Variants in NEMP2 observed in about 807,000 individuals in gnomAD.
NEMP2 encodes the protein UPF0571 transmembrane protein.
A neutral mutation model predicts 54.2 loss-of-function variants in NEMP2; 53 were observed. The ratio of observed to expected loss-of-function variants is 0.98; its 90% CI spans 0.78 to 1.23. The LOEUF is 1.23. Ranked by LOEUF, NEMP2 falls within the 50% of genes most tolerant of loss-of-function variation. The pLI is 0.00. For synonymous variants in NEMP2, 197 were observed against 190.3 expected (o/e 1.04, Z -0.29); for missense variants, 455 against 511.3 (o/e 0.89, Z 1.06).
At chr2:190,539,811 G>GT in the NEMP2 span, among the ~76,000 whole-genome samples, 2 of 152,050 alleles carry the variant, frequency 1.3e-5, no homozygotes, top group East Asian at 1.9e-4. This position sits in a 1 kb window ranked among gnomAD's most constrained non-coding sequence, Gnocchi z 4.1. Context: ...CTTCTAACAG[G>GT]TTTTTTTGTG....
the NEMP2 span, among the ~76,000 whole-genome samples, chr2:190,438,980 A>G: frequency 6.6e-6 from 1 of 152,126 alleles, no homozygotes; most frequent in African/African-American, 2.4e-5. This position sits in a 1 kb window ranked among gnomAD's most constrained non-coding sequence, Gnocchi z 5.2. Context: ...GTCACCACCA[A>G]AGTCAGGGAC....
Position 190,529,024 on chromosome 2 carries a change from C to T in NEMP2, c.98-3646G>A, listed in dbSNP as rs1386909547. ...ATGTTTTCCCCTACAACACACTTTT[C>T]AATTAGCAAATAGATCTTTTTAAAA... On this transcript the variant is annotated intron_variant, in intron 1 of 8. Coordinates refer to ENST00000409150, the MANE Select transcript of NEMP2 (RefSeq NM_001142645.2). This position sits in a 1 kb window ranked among gnomAD's most constrained non-coding sequence, Gnocchi z 4.7. Among the ~76,000 whole-genome samples the T allele has an allele frequency of 2.6e-5, 4 of 152,126 alleles. No individual in the cohort carries two copies. The highest frequency in any genetic ancestry group is 6.5e-5 in the Admixed American group (1 of 15,270).
the NEMP2 span, among the ~76,000 whole-genome samples, chr2:190,491,175 A>G: frequency 1.4e-4 from 21 of 152,240 alleles, no homozygotes; most frequent in Non-Finnish European, 3.1e-4. The surrounding 1 kb of genome is among the most constrained non-coding windows in gnomAD (Gnocchi z 4.2). Flanking sequence ...ATTTTAACTC[A>G]TCTTTGATTA....
the NEMP2 span, among the ~76,000 whole-genome samples, chr2:190,429,638 T>C: frequency 6.6e-6 from 1 of 152,148 alleles, no homozygotes. Flanking sequence ...TTTAATGTAG[T>C]TCAATTATTT....
chr2:190,467,378 C>T, the NEMP2 span, among the ~76,000 whole-genome samples: 1 of 111,128 alleles, frequency 9.0e-6, no homozygotes, highest in Non-Finnish European at 2.2e-5. The surrounding 1 kb of genome is among the most constrained non-coding windows in gnomAD (Gnocchi z 5.5). Flanking sequence ...TTTGGGAGGC[C>T]GAGGTGGGCG....
chr2:190,509,448 G>T lies in NEMP2; in HGVS notation c.1131-136C>A. ...CAATACAGGGTGGCATTTACACAGT[G>T]GGTGTAAAAATGGGAATGGCTTATG... On this transcript the variant is annotated intron_variant, in intron 8 of 8. Coordinates refer to ENST00000409150, the MANE Select transcript of NEMP2 (RefSeq NM_001142645.2). This position sits in a 1 kb window ranked among gnomAD's most constrained non-coding sequence, Gnocchi z 6.1. The T allele has an allele frequency of 1.0e-6, 1 of 970,672 alleles. No individual in the cohort carries two copies. The highest frequency in any genetic ancestry group is 1.5e-6 in the Non-Finnish European group (1 of 653,782). 60.1% of individuals were successfully genotyped at this position (970,672 alleles called of 1,614,324 possible).
the NEMP2 span, chr2:190,489,682 T>C: frequency 7.8e-7 from 1 of 1,285,736 alleles, no homozygotes; most frequent in Non-Finnish European, 1.1e-6. This position sits in a 1 kb window ranked among gnomAD's most constrained non-coding sequence, Gnocchi z 6.6. Context: ...CTTCCTTTGC[T>C]TTGATCTTTA....
At chr2:190,635,635 A>T in the NEMP2 span, among the ~76,000 whole-genome samples, 1 of 152,126 alleles carries the variant, frequency 6.6e-6, no homozygotes, top group African/African-American at 2.4e-5. The surrounding 1 kb of genome is among the most constrained non-coding windows in gnomAD (Gnocchi z 4.1). Flanking sequence ...TTCACAATTT[A>T]CCCATAAATT....
the NEMP2 span, chr2:190,497,990 C>A: frequency 3.3e-6 from 1 of 298,778 alleles, no homozygotes; most frequent in Non-Finnish European, 6.2e-6. The surrounding 1 kb of genome is among the most constrained non-coding windows in gnomAD (Gnocchi z 5.2). Flanking sequence ...ATAAATTAAT[C>A]CATTCTTTCA....
the NEMP2 span, chr2:190,620,288 G>C: frequency 6.6e-6 from 1 of 152,112 alleles, no homozygotes; most frequent in Non-Finnish European, 1.5e-5. This position sits in a 1 kb window ranked among gnomAD's most constrained non-coding sequence, Gnocchi z 4.9. Context: ...AGGATAGAAT[G>C]GAAATAAGCT....
At chr2:190,498,760 A>G in the NEMP2 span, among the ~76,000 whole-genome samples, 1 of 152,206 alleles carries the variant, frequency 6.6e-6, no homozygotes, top group Non-Finnish European at 1.5e-5. The surrounding 1 kb of genome is among the most constrained non-coding windows in gnomAD (Gnocchi z 5.9). Flanking sequence ...CTTGAGTAGC[A>G]ATATTTTCAT....
chr2:190,435,702 C>T, the NEMP2 span, among the ~76,000 whole-genome samples: 2 of 152,086 alleles, frequency 1.3e-5, no homozygotes, highest in East Asian at 3.8e-4. Flanking sequence ...GTACATTTTC[C>T]CTGGGAATCA....
the NEMP2 span, among the ~76,000 whole-genome samples, chr2:190,493,132 G>T: frequency 4.8e-3 from 724 of 152,144 alleles, no homozygotes; most frequent in Non-Finnish European, 7.5e-3. Flanking sequence ...CTGCCTTCAA[G>T]AGACTCGCCT....
chr2:190,431,531 C>T, the NEMP2 span, among the ~76,000 whole-genome samples: 8 of 152,202 alleles, frequency 5.3e-5, no homozygotes, highest in African/African-American at 1.4e-4. This position sits in a 1 kb window ranked among gnomAD's most constrained non-coding sequence, Gnocchi z 4.4. Context: ...AGCGAAACCC[C>T]GTCTCCACCA....
chr2:190,521,887 C>A lies in NEMP2; in HGVS notation c.214-2704G>T, dbSNP rs1446453854. On this transcript the variant is annotated intron_variant, in intron 2 of 8. Transcript: ENST00000409150. The surrounding 1 kb of genome is among the most constrained non-coding windows in gnomAD (Gnocchi z 6.2). ...CTTGCTCCTTCCTTCTCCCTGAACT[C>A]TTAATATAAGACTGACCCAGGCTTA... Among the ~76,000 whole-genome samples the A allele has an allele frequency of 1.3e-5, 2 of 152,128 alleles. No individual in the cohort carries two copies. Among genetic ancestry groups the A allele is most frequent in the African/African-American group, 4.8e-5 (2 of 41,424 alleles).
chr2:190,603,759 G>A, the NEMP2 span, among the ~76,000 whole-genome samples: 1 of 151,726 alleles, frequency 6.6e-6, no homozygotes, highest in African/African-American at 2.4e-5. Flanking sequence ...TAGATGCACA[G>A]TTGCCATTGT....
chr2:190,518,756 A>G lies in NEMP2; in HGVS notation c.498T>C (p.Phe166=), dbSNP rs1690651380. The G allele has an allele frequency of 1.9e-6, 3 of 1,544,506 alleles. No individual in the cohort carries two copies. The highest frequency in any genetic ancestry group is 4.1e-5 in the Admixed American group (2 of 49,368). Reference sequence around the variant, plus strand: ...CTTACTGACTCAGGGTCCTTGCATAAAAGAAAAGAAAAACTCCTGCCACAA... The same window carrying G: ...CTTACTGACTCAGGGTCCTTGCATAGAAGAAAAGAAAAACTCCTGCCACAA... The part of the protein sequence containing the change: ...LVFVAGVFLF[F]YARTLSQSPT... Residue 166 remains phenylalanine (F), a synonymous_variant, in exon 4 of 9, where the codon TTT becomes TTC. Transcript: ENST00000409150.
the NEMP2 span, among the ~76,000 whole-genome samples, chr2:190,457,997 G>A: frequency 1.2e-4 from 19 of 152,320 alleles, no homozygotes; most frequent in Non-Finnish European, 2.2e-4. This position sits in a 1 kb window ranked among gnomAD's most constrained non-coding sequence, Gnocchi z 5.1. Context: ...TACAAAATGC[G>A]AAGAGTCCTC....
the NEMP2 span, among the ~76,000 whole-genome samples, chr2:190,582,011 C>T: frequency 6.6e-6 from 1 of 152,134 alleles, no homozygotes; most frequent in Admixed American, 6.6e-5. The surrounding 1 kb of genome is among the most constrained non-coding windows in gnomAD (Gnocchi z 4.6). Context: ...CTGAGTGTTC[C>T]TATACTTTAT....
Sources: allele counts gnomAD v4.1 joint callset (sites outside exome capture counted in the v4.1 genomes callset), GRCh38; gene constraint gnomAD v4.1.1; non-coding constraint Gnocchi (gnomAD v3.1); transcripts MANE v1.5; gene names NCBI Gene and HGNC (gene_info 2026-07-23, HGNC 2026-07-21).